The following ATRNL1 variants were observed in gnomAD, a reference collection of about 807,000 sequenced individuals.
The protein encoded by ATRNL1 is attractin like 1, also known as attractin-like protein 1.
Under a neutral mutation model 182.7 loss-of-function variants are expected in ATRNL1, and 95 were observed. The ratio of observed to expected loss-of-function variants is 0.52; its 90% CI spans 0.44 to 0.62. The LOEUF is 0.62. Among genes scored for constraint, ATRNL1 ranks in the 20% least tolerant of loss-of-function variants. The pLI is 0.00. For synonymous variants in ATRNL1, 576 were observed against 568.3 expected (o/e 1.01, Z -0.19); for missense variants, 1,471 against 1,679.5 (o/e 0.88, Z 2.17).
chr10:115,869,888 C>T (rs1951536287), intron 28 of ATRNL1, among the ~76,000 whole-genome samples: 1 of 150,528 alleles, frequency 6.6e-6, no homozygotes, highest in South Asian at 2.1e-4. Context: ...TTAATGACTG[C>T]ATATTGCTTT....
At position 115,947,140 on chromosome 10, in the gene ATRNL1, T is replaced by G. The variant is rs1365503777; in HGVS notation, c.*2361T>G. The stretch of plus-strand genomic sequence containing the variant: ...ACGTATCAAAGCTTTTCACTGGCAG[T>G]AAATTCTTTGCCCTCAGGTGAAGTG... On this transcript the variant is annotated 3_prime_UTR_variant, in exon 29 of 29. Coordinates refer to ENST00000355044, the MANE Select transcript of ATRNL1 (RefSeq NM_207303.4). The G allele has an allele frequency of 6.6e-6, 1 of 152,642 alleles. No homozygotes were observed. Among genetic ancestry groups the G allele is most frequent in the East Asian group, 1.9e-4 (1 of 5,194 alleles). 9.5% of individuals were successfully genotyped at this position (152,642 alleles called of 1,614,324 possible).
At chr10:115,925,733 C>A (rs1953210180) in intron 28 of ATRNL1, among the ~76,000 whole-genome samples, 1 of 152,124 alleles carries the variant, frequency 6.6e-6, no homozygotes, top group Non-Finnish European at 1.5e-5. Context: ...AGTATACACG[C>A]ACCCAATACA....
At position 115,396,539 on chromosome 10, in the gene ATRNL1, G is replaced by A. The variant is rs1844298237; in HGVS notation, c.3269+1787G>A. Among the ~76,000 whole-genome samples, 3 of 151,936 alleles carry A rather than the reference G, an allele frequency of 2.0e-5. No homozygotes were observed. In the South Asian group the frequency reaches 6.2e-4, roughly 32 times the overall value. Reference sequence around the variant, plus strand: ...CTATTCCCTGCAATTATGTATAATAGCATGTTCTGGTTATAAGTAATGTTT... The same window carrying A: ...CTATTCCCTGCAATTATGTATAATAACATGTTCTGGTTATAAGTAATGTTT... On this transcript the variant is annotated intron_variant, in intron 20 of 28. Transcript: ENST00000355044.
intron 26 of ATRNL1, among the ~76,000 whole-genome samples, chr10:115,590,376 A>G (rs1463836279): frequency 1.3e-5 from 2 of 152,152 alleles, no homozygotes; most frequent in African/African-American, 4.8e-5. Flanking sequence ...CTTTCTGTGT[A>G]TTAACCTTTG....
chr10:115,808,949 TAGG>T (rs1555086284), intron 27 of ATRNL1, among the ~76,000 whole-genome samples: 1 of 152,176 alleles, frequency 6.6e-6, no homozygotes, highest in Non-Finnish European at 1.5e-5. Flanking sequence ...TGCTTCCTTC[TAGG>T]AGTTTTATTG....
intron 24 of ATRNL1, among the ~76,000 whole-genome samples, chr10:115,470,798 A>T (rs1848273720): frequency 6.6e-6 from 1 of 150,618 alleles, no homozygotes; most frequent in Non-Finnish European, 1.5e-5. Flanking sequence ...GATGGACAAG[A>T]TACGTAGGCC....
At chr10:115,126,662 A>G (rs1201858789) in intron 3 of ATRNL1, among the ~76,000 whole-genome samples, 3 of 152,204 alleles carry the variant, frequency 2.0e-5, no homozygotes, top group African/African-American at 4.8e-5. Context: ...TTATTTGACT[A>G]TAATATTTCA....
chr10:115,628,975 A>C (rs782277183), intron 26 of ATRNL1, among the ~76,000 whole-genome samples: 2 of 152,114 alleles, frequency 1.3e-5, no homozygotes, highest in Non-Finnish European at 2.9e-5. Flanking sequence ...GTATGAGTTT[A>C]TCTCTCATTT....
chr10:115,539,392 C>T (rs1399264974), intron 25 of ATRNL1, among the ~76,000 whole-genome samples: 1 of 152,152 alleles, frequency 6.6e-6, no homozygotes, highest in Non-Finnish European at 1.5e-5. Flanking sequence ...ACCATGAAAC[C>T]TGGACAAAAT....
chr10:115,469,406 A>G, intron 24 of ATRNL1, 77 bp downstream of exon 24: 2 of 922,142 alleles, frequency 2.2e-6, no homozygotes, highest in Non-Finnish European at 3.2e-6. Context: ...CAAAGTGATG[A>G]TATATGTACA....
rs1159790923 is a variant in ATRNL1 at position 115,712,394 on chromosome 10, A to T, written c.3796-14854A>T. Among the ~76,000 whole-genome samples, 3 of 152,308 alleles carry T rather than the reference A, an allele frequency of 2.0e-5. No homozygotes were observed. The East Asian group carries it at 5.8e-4, about 29-fold the overall frequency. On this transcript the variant is annotated intron_variant, in intron 26 of 28. Transcript: ENST00000355044. ...GAGACTCAGTGGTATCTAAGGAAAG[A>T]AGGGTAGATTGTAAACCCTGATTTT...
At chr10:115,364,721 TATC>T (rs1318269145) in intron 19 of ATRNL1, among the ~76,000 whole-genome samples, 2 of 151,970 alleles carry the variant, frequency 1.3e-5, no homozygotes, top group Non-Finnish European at 2.9e-5. Context: ...TGAGAGTTTT[TATC>T]ATGAAGGGTT....
At chr10:115,218,126 T>G (rs1267556986) in intron 9 of ATRNL1, among the ~76,000 whole-genome samples, 1 of 151,954 alleles carries the variant, frequency 6.6e-6, no homozygotes, top group Non-Finnish European at 1.5e-5. Flanking sequence ...ATTATACAAC[T>G]CACCATAATG....
At chr10:115,157,700 A>T (rs1472722092) in intron 5 of ATRNL1, among the ~76,000 whole-genome samples, 1 of 152,136 alleles carries the variant, frequency 6.6e-6, no homozygotes, top group Non-Finnish European at 1.5e-5. Context: ...ATAATTCACG[A>T]TAATCTCTCC....
chr10:115,249,596 T>G (rs1176282401), intron 10 of ATRNL1, among the ~76,000 whole-genome samples: 2 of 152,160 alleles, frequency 1.3e-5, no homozygotes, highest in Non-Finnish European at 2.9e-5. Flanking sequence ...TGATCTTATG[T>G]GTATTGAGTA....
intron 26 of ATRNL1, among the ~76,000 whole-genome samples, chr10:115,671,000 T>C (rs561480904): frequency 1.3e-3 from 199 of 152,228 alleles, no homozygotes; most frequent in South Asian, 3.5e-3. Flanking sequence ...AAGGATTAAA[T>C]TGGTTTTGAA....
intron 8 of ATRNL1, among the ~76,000 whole-genome samples, chr10:115,190,502 T>C (rs1216050508): frequency 2.6e-5 from 4 of 152,112 alleles, no homozygotes; most frequent in Non-Finnish European, 5.9e-5. Context: ...ACTTTATATA[T>C]TTTAAACATT....
chr10:115,585,336 A>G (rs199902614), intron 26 of ATRNL1, among the ~76,000 whole-genome samples: 11 of 100,012 alleles, frequency 1.1e-4, no homozygotes, highest in Non-Finnish European at 1.8e-4. Context: ...TCTTTCTAAT[A>G]TTGACAGTGG....
At chr10:115,803,307 G>T (rs529291065) in intron 27 of ATRNL1, among the ~76,000 whole-genome samples, 27 of 152,058 alleles carry the variant, frequency 1.8e-4, no homozygotes, top group East Asian at 7.7e-4. Context: ...TTTTTAAGTG[G>T]TTTTTTTCCT....
Sources: gnomAD v4.1 joint callset for allele counts (sites outside exome capture counted in the v4.1 genomes callset) on GRCh38, gnomAD v4.1.1 for gene constraint, MANE v1.5 for transcripts, NCBI Gene and HGNC (gene_info 2026-07-23, HGNC 2026-07-21) for gene names.